PIGL: variants seen among roughly 807,000 people sequenced by gnomAD.
PIGL encodes the protein phosphatidylinositol glycan anchor biosynthesis class L.
PIGL carries 22 observed loss-of-function variants against 31.1 expected under a neutral mutation model. That is an observed-to-expected ratio of 0.71 (90% confidence interval 0.51 to 1.01). PIGL has a LOEUF of 1.01. Ranked by LOEUF, PIGL falls within the 50% of genes least tolerant of loss-of-function variation. The probability of loss-of-function intolerance (pLI) is 0.00; values close to 1 mark genes in which losing one functional copy is unlikely to be tolerated. For synonymous variants in PIGL, 131 were observed against 117.4 expected (o/e 1.12, Z -0.75); for missense variants, 302 against 315.9 (o/e 0.96, Z 0.33).
At chr17:16,312,208 C>A (rs1821789089) in intron 3 of PIGL, among the ~76,000 whole-genome samples, 1 of 146,186 alleles carries the variant, frequency 6.8e-6, no homozygotes, top group Non-Finnish European at 1.5e-5. Flanking sequence ...CCAGATGGGG[C>A]GGCTGCCGGG....
intron 2 of PIGL, among the ~76,000 whole-genome samples, chr17:16,293,919 C>T (rs1385951081): frequency 6.6e-6 from 1 of 152,080 alleles, no homozygotes; most frequent in Non-Finnish European, 1.5e-5. Flanking sequence ...TTTCTAAATA[C>T]AAGGAAGGTG....
At chr17:16,236,154 T>A (rs1270028367) in intron 2 of PIGL, among the ~76,000 whole-genome samples, 1 of 152,188 alleles carries the variant, frequency 6.6e-6, no homozygotes, top group Non-Finnish European at 1.5e-5. Context: ...AGGTGCTTAA[T>A]TTTTTCCCCT....
At chr17:16,307,730 G>C (rs1306974294) in intron 3 of PIGL, among the ~76,000 whole-genome samples, 2 of 152,194 alleles carry the variant, frequency 1.3e-5, no homozygotes, top group East Asian at 3.9e-4. Context: ...ATTTCAGGAG[G>C]CTGAAGTAGG....
intron 2 of PIGL, among the ~76,000 whole-genome samples, chr17:16,296,625 AAAAG>A (rs1002192120): frequency 4.5e-4 from 68 of 151,434 alleles, no homozygotes; most frequent in Middle Eastern, 3.4e-3. Flanking sequence ...AAAAAAAGAA[AAAAG>A]AAAGAAAGAC....
intron 2 of PIGL, chr17:16,282,039 C>G (rs1283424040): frequency 1.9e-6 from 1 of 520,654 alleles, no homozygotes; most frequent in Admixed American, 2.0e-5. Flanking sequence ...CAGATCAGGA[C>G]TGTAACTCAC....
At chr17:16,245,141 C>T (rs746618896) in intron 2 of PIGL, among the ~76,000 whole-genome samples, 1 of 152,026 alleles carries the variant, frequency 6.6e-6, no homozygotes, top group Non-Finnish European at 1.5e-5. Flanking sequence ...TACAGGTGCC[C>T]ACCACCACGC....
At chr17:16,267,878 A>T (rs1019945373) in intron 2 of PIGL, among the ~76,000 whole-genome samples, 2 of 152,096 alleles carry the variant, frequency 1.3e-5, no homozygotes, top group Admixed American at 1.3e-4. Flanking sequence ...ATGGTAAAGA[A>T]GGTGTCCCAG....
At chr17:16,240,770 G>T (rs1038695657) in intron 2 of PIGL, among the ~76,000 whole-genome samples, 11 of 151,600 alleles carry the variant, frequency 7.3e-5, no homozygotes, top group African/African-American at 2.7e-4. Context: ...AAAATGCTGA[G>T]ATTAGAGGCG....
chr17:16,234,653 T>G (rs2092692434), intron 2 of PIGL, among the ~76,000 whole-genome samples: 1 of 152,130 alleles, frequency 6.6e-6, no homozygotes. Flanking sequence ...TAATCTCAGC[T>G]ACTTGGGAAG....
chr17:16,245,974 C>G (rs1259550457), intron 2 of PIGL, among the ~76,000 whole-genome samples: 5 of 149,962 alleles, frequency 3.3e-5, no homozygotes, highest in African/African-American at 1.2e-4. Context: ...CACCCGCCAC[C>G]TTGACCAGCT....
rs529575339 is a variant in PIGL at position 16,223,436 on chromosome 17, G to C, written c.235+5975G>C. Among the ~76,000 whole-genome samples, 195 of 152,132 alleles carry C rather than the reference G, an allele frequency of 1.3e-3. 1 individual carries two copies. Among genetic ancestry groups the C allele is most frequent in the Admixed American group, 2.4e-3 (36 of 15,274 alleles). The stretch of plus-strand genomic sequence containing the variant: ...TACTAAAAATACAAAAATTAGCCGG[G>C]TGTGGTGGTGGATGCCTGTAATCCC... On this transcript the variant is annotated intron_variant, in intron 1 of 6. Transcript: ENST00000225609.
intron 2 of PIGL, among the ~76,000 whole-genome samples, chr17:16,294,185 G>A (rs2092971961): frequency 2.0e-5 from 3 of 152,126 alleles, no homozygotes; most frequent in South Asian, 4.1e-4. Flanking sequence ...CAGTCATCAG[G>A]TGCATCCCAG....
rs561119116 is a variant in PIGL, at chr17:16,306,095, C to T, written c.426+6117C>T. On this transcript the variant is annotated intron_variant, in intron 3 of 6. Transcript: ENST00000225609. ...TCCCGAGTAGCTGGGACTACAGGCA[C>T]GCGCCACCATGCCCAGCTAGTTTTT... Among the ~76,000 whole-genome samples, 17 of 152,006 alleles carry T rather than the reference C, an allele frequency of 1.1e-4. 1 individual carries two copies. The South Asian group carries it at 3.3e-3, about 30-fold the overall frequency.
At chr17:16,268,907 C>T (rs562286490) in intron 2 of PIGL, among the ~76,000 whole-genome samples, 3 of 152,058 alleles carry the variant, frequency 2.0e-5, no homozygotes, top group Non-Finnish European at 2.9e-5. Context: ...GGACTACAGG[C>T]GCGTGCCACC....
chr17:16,258,097 G>A (rs546963675), intron 2 of PIGL, among the ~76,000 whole-genome samples: 4,191 of 126,682 alleles, frequency 0.033, 137 homozygotes, highest in African/African-American at 0.062. Context: ...GAGAGAGAGA[G>A]AGAGAAAGAG....
intron 2 of PIGL, among the ~76,000 whole-genome samples, chr17:16,239,002 C>T (rs1028221379): frequency 2.0e-5 from 3 of 149,414 alleles, no homozygotes; most frequent in Non-Finnish European, 4.5e-5. Context: ...CTTGGCCTCC[C>T]GAAGTGCTGG....
intron 2 of PIGL, among the ~76,000 whole-genome samples, chr17:16,285,728 T>C (rs990185673): frequency 2.0e-5 from 3 of 152,224 alleles, no homozygotes; most frequent in East Asian, 1.9e-4. Flanking sequence ...GATCTTTATA[T>C]ACCTCTTTTT....
chr17:16,306,868 T>TA (rs2093028578), intron 3 of PIGL, among the ~76,000 whole-genome samples: 1 of 152,088 alleles, frequency 6.6e-6, no homozygotes, highest in Non-Finnish European at 1.5e-5. Context: ...GTGAGATTCT[T>TA]AGAGTGACAG....
chr17:16,227,578 C>CTTTTTTTTTTTTTTTTTTTTTTTTTT, intron 1 of PIGL, among the ~76,000 whole-genome samples: 1 of 103,196 alleles, frequency 9.7e-6, no homozygotes. Context: ...ATTTTCTTTT[C>CTTTTTTTTTTTTTTTTTTTTTTTTTT]TTTTTTTTTT....
Sources: gnomAD v4.1 joint callset for allele counts (sites outside exome capture counted in the v4.1 genomes callset) on GRCh38, gnomAD v4.1.1 for gene constraint, MANE v1.5 for transcripts, NCBI Gene and HGNC (gene_info 2026-07-23, HGNC 2026-07-21) for gene names.